LNP1: variants seen among roughly 807,000 people sequenced by gnomAD.
LNP1 encodes leukemia NUP98 fusion partner 1.
Under a neutral mutation model 14.5 loss-of-function variants are expected in LNP1, and 12 were observed. The ratio of observed to expected loss-of-function variants is 0.83; its 90% CI spans 0.53 to 1.34. The LOEUF (loss-of-function observed/expected upper bound fraction) is 1.34, where lower values mean the gene tolerates loss of function less well. LNP1 is among the 40% of genes most tolerant of loss of function. The pLI is 0.00. For missense variants in LNP1, 198 were observed against 210.9 expected, an observed-to-expected ratio of 0.94 and a Z score of 0.38; for synonymous variants, 75 against 71.4, an observed-to-expected ratio of 1.05 and a Z score of -0.26.
At chr3:100,426,365 A>G (rs1039951388) in intron 1 of LNP1, among the ~76,000 whole-genome samples, 12 of 152,218 alleles carry the variant, frequency 7.9e-5, no homozygotes, top group African/African-American at 2.9e-4. Context: ...GCTCCAGGCA[A>G]TTAGGATCTA....
chr3:100,440,845 A>G (rs1707337532), intron 2 of LNP1, among the ~76,000 whole-genome samples: 1 of 152,220 alleles, frequency 6.6e-6, no homozygotes, highest in Non-Finnish European at 1.5e-5. Context: ...ATTGGAAACC[A>G]GGAGAGCATC....
At chr3:100,433,944 C>A (rs925726487) in intron 2 of LNP1, among the ~76,000 whole-genome samples, 1 of 152,090 alleles carries the variant, frequency 6.6e-6, no homozygotes, top group East Asian at 1.9e-4. Context: ...TGTTTAAGTT[C>A]ATTGTAGATT....
At chr3:100,421,305 T>C (rs925037578) in intron 1 of LNP1, among the ~76,000 whole-genome samples, 15 of 152,372 alleles carry the variant, frequency 9.8e-5, no homozygotes, top group Admixed American at 1.3e-4. Flanking sequence ...AGTTAATCTG[T>C]ATTCTATTCA....
At position 100,455,913 on chromosome 3, in the gene LNP1, A is replaced by G; in HGVS notation, c.524A>G (p.Lys175Arg). 1 of 1,612,126 alleles carries G rather than the reference A, an allele frequency of 6.2e-7. No homozygotes were observed. The highest frequency in any genetic ancestry group is 8.5e-7 in the Non-Finnish European group (1 of 1,179,558). Residue 175 changes from lysine to arginine, a missense_variant, in exon 4 of 4, where the codon AAA becomes AGA. Lys to Arg is a conservative substitution (Grantham distance 26). Coordinates refer to ENST00000383693, the MANE Select transcript of LNP1 (RefSeq NM_001085451.2). ...GEAHMAPLFE[K>R]GPE is the part of the protein sequence containing the mutation. The stretch of plus-strand genomic sequence containing the variant: ...GCACACATGGCTCCCCTGTTTGAAA[A>G]AGGGCCTGAATAATACTCTGCTTCT...
At position 100,446,694 on chromosome 3, in the gene LNP1, C is replaced by T. The variant is rs533969349; in HGVS notation, c.157-5025C>T. On this transcript the variant is annotated intron_variant, in intron 2 of 3. Coordinates refer to ENST00000383693, the MANE Select transcript of LNP1 (RefSeq NM_001085451.2). Reference sequence around the variant, plus strand: ...CAGAATGGGAGAAAATTTTTGTAATCTACCCATCTGACAAAGGGCTAATAC... The same window carrying T: ...CAGAATGGGAGAAAATTTTTGTAATTTACCCATCTGACAAAGGGCTAATAC... Among the ~76,000 whole-genome samples the T allele has an allele frequency of 2.0e-3, 305 of 152,310 alleles. 1 individual carries two copies. The highest frequency in any genetic ancestry group is 7.0e-3 in the African/African-American group (290 of 41,562).
At chr3:100,419,150 T>C (rs1415082732) in intron 1 of LNP1, among the ~76,000 whole-genome samples, 1 of 152,196 alleles carries the variant, frequency 6.6e-6, no homozygotes, top group Non-Finnish European at 1.5e-5. Flanking sequence ...CTGCTACAGT[T>C]GCTCTATTAG....
At chr3:100,409,557 TACACACACACACACACAC>T (rs35651277) in intron 1 of LNP1, among the ~76,000 whole-genome samples, 1 of 126,354 alleles carries the variant, frequency 7.9e-6, no homozygotes, top group African/African-American at 3.0e-5. Flanking sequence ...TATATATACA[TACACACACACACACACAC>T]ACACACACAC....
In LNP1 at chr3:100,417,238, G is replaced by A. The variant is rs1394162560; in HGVS notation, c.-33-12459G>A. Reference sequence around the variant, plus strand: ...ACCTCCCTCTCCCTATCTCTGCCCAGGTTCCCTCAAGGAATCTTTCTTTCT... The same window carrying A: ...ACCTCCCTCTCCCTATCTCTGCCCAAGTTCCCTCAAGGAATCTTTCTTTCT... On this transcript the variant is annotated intron_variant, in intron 1 of 3. Transcript: ENST00000383693. Among the ~76,000 whole-genome samples the A allele has an allele frequency of 5.3e-5, 8 of 151,716 alleles. No individual in the cohort carries two copies. The South Asian group carries it at 1.2e-3, about 24-fold the overall frequency.
At chr3:100,421,302 C>G (rs1327770855) in intron 1 of LNP1, among the ~76,000 whole-genome samples, 1 of 152,204 alleles carries the variant, frequency 6.6e-6, no homozygotes, top group East Asian at 1.9e-4. Flanking sequence ...GGCAGTTAAT[C>G]TGTATTCTAT....
intron 1 of LNP1, among the ~76,000 whole-genome samples, chr3:100,403,360 T>C (rs558652547): frequency 7.9e-5 from 12 of 152,238 alleles, no homozygotes; most frequent in Non-Finnish European, 1.6e-4. Context: ...ATCTTTTTCT[T>C]GGTAGATTAG....
At chr3:100,420,494 T>A (rs996366642) in intron 1 of LNP1, among the ~76,000 whole-genome samples, 15 of 151,770 alleles carry the variant, frequency 9.9e-5, no homozygotes, top group Admixed American at 3.3e-4. Flanking sequence ...TTAAAAAAAA[T>A]TTTATAGAGA....
chr3:100,426,783 C>T (rs1029040233), intron 1 of LNP1, among the ~76,000 whole-genome samples: 1 of 152,180 alleles, frequency 6.6e-6, no homozygotes, highest in East Asian at 1.9e-4. Context: ...CATTGTAATT[C>T]ATCTAGTAGC....
intron 1 of LNP1, among the ~76,000 whole-genome samples, chr3:100,405,720 T>C (rs1706958821): frequency 1.3e-5 from 2 of 152,322 alleles, no homozygotes; most frequent in African/African-American, 4.8e-5. Context: ...TTTTCTCTTT[T>C]ATTCATTTCC....
chr3:100,422,182 CTTTTT>C (rs35862297), intron 1 of LNP1, among the ~76,000 whole-genome samples: 6 of 101,620 alleles, frequency 5.9e-5, no homozygotes, highest in Admixed American at 1.0e-4. Context: ...TTGATAAAGT[CTTTTT>C]TTTTTTTTTT....
At chr3:100,416,597 T>TGTGTGTGTG (rs1559840688) in intron 1 of LNP1, among the ~76,000 whole-genome samples, 3 of 110,586 alleles carry the variant, frequency 2.7e-5, no homozygotes, top group Non-Finnish European at 5.9e-5. Flanking sequence ...AGTATATCTT[T>TGTGTGTGTG]TTTGTGTGTG....
intron 2 of LNP1, among the ~76,000 whole-genome samples, chr3:100,432,007 TATATATATATATATATA>T (rs1707247423): frequency 1.0e-4 from 1 of 9,812 alleles, no homozygotes; most frequent in Admixed American, 8.9e-4. Context: ...TATATATATA[TATATATATATATATATA>T]TATATATATA....
chr3:100,450,739 G>GAAAAC (rs762434332), intron 2 of LNP1, among the ~76,000 whole-genome samples: 15 of 152,048 alleles, frequency 9.9e-5, no homozygotes, highest in Non-Finnish European at 2.1e-4. Context: ...TAAGAAGCAG[G>GAAAAC]AAAACAAAAC....
At chr3:100,445,071 G>A (rs370891376) in intron 2 of LNP1, among the ~76,000 whole-genome samples, 22 of 152,148 alleles carry the variant, frequency 1.4e-4, no homozygotes, top group African/African-American at 5.1e-4. Context: ...TCAGGAGTTT[G>A]AGACCAGTCT....
intron 2 of LNP1, among the ~76,000 whole-genome samples, chr3:100,450,035 A>T (rs1420282425): frequency 6.6e-6 from 1 of 151,582 alleles, no homozygotes; most frequent in East Asian, 1.9e-4. Flanking sequence ...AAATAAAAAA[A>T]CTTTCCTTTT....
Sources: allele counts gnomAD v4.1 joint callset (sites outside exome capture counted in the v4.1 genomes callset), GRCh38; gene constraint gnomAD v4.1.1; transcripts MANE v1.5; gene names NCBI Gene and HGNC (gene_info 2026-07-23, HGNC 2026-07-21).